Variants in TEX15 observed in about 807,000 individuals in gnomAD.
TEX15 encodes the protein testis-expressed protein 15.
Under a neutral mutation model 237.3 loss-of-function variants are expected in TEX15, and 171 were observed. That is an observed-to-expected ratio of 0.72 (90% CI 0.64 to 0.82). The LOEUF (loss-of-function observed/expected upper bound fraction) is 0.82, where lower values mean the gene tolerates loss of function less well. Among genes scored for constraint, TEX15 ranks in the 40% least tolerant of loss-of-function variants. The probability of loss-of-function intolerance (pLI) is 0.00; values close to 1 mark genes in which losing one functional copy is unlikely to be tolerated. For missense variants in TEX15, 3,750 were observed against 3,646.5 expected (o/e 1.03, Z -0.73); for synonymous variants, 1,338 against 1,269.8 (o/e 1.05, Z -1.14).
Position 30,843,042 on chromosome 8 carries a change from T to A in TEX15, c.7125A>T (p.Ile2375=), listed in dbSNP as rs751013399. Reference sequence around the variant, plus strand: ...GGTCTGCAAATTCAGCCTGATCCAATATCTCACTAATACAACAAATATCTG... The same window carrying A: ...GGTCTGCAAATTCAGCCTGATCCAAAATCTCACTAATACAACAAATATCTG... ...AHPDICCISE[I]LDQAEFADLK... Residue 2375 remains isoleucine (I), a synonymous_variant, in exon 8 of 11, where the codon ATA becomes ATT. Transcript: ENST00000643185. 2 of 1,613,640 alleles carry A rather than the reference T, an allele frequency of 1.2e-6. No individual in the cohort carries two copies. Among genetic ancestry groups the A allele is most frequent in the East Asian group, 4.5e-5 (2 of 44,832 alleles).
At position 30,843,503 on chromosome 8, in the gene TEX15, A is replaced by G; in HGVS notation, c.6664T>C (p.Cys2222Arg). The change falls in exon 8 of 11, where the codon TGT becomes CGT. Residue 2222 changes from cysteine (C) to arginine (R), a missense_variant. Physicochemically the swap from Cys to Arg is radical, Grantham distance 180. Coordinates refer to ENST00000643185, the MANE Select transcript of TEX15 (RefSeq NM_001350162.2). Reference sequence around the variant, plus strand: ...GAATGAACTTTAGGAGAGTCCCCACATACATTGATCAACTTTAAAGTACTT... The same window carrying G: ...GAATGAACTTTAGGAGAGTCCCCACGTACATTGATCAACTTTAAAGTACTT... ...RKSTLKLINV[C>R]GDSPKVHSYP... 1.9e-6 allele frequency: 3 copies of G among 1,613,110 alleles called. No individual in the cohort carries two copies. The highest frequency in any genetic ancestry group is 2.5e-6 in the Non-Finnish European group (3 of 1,179,654).
Position 30,846,339 on chromosome 8 carries a change from T to A in TEX15, c.3828A>T (p.Arg1276Ser), listed in dbSNP as rs776596556. 6.2e-7 allele frequency: 1 copy of A among 1,613,060 alleles called. No homozygotes were observed. Among genetic ancestry groups the A allele is most frequent in the South Asian group, 1.1e-5 (1 of 90,984 alleles). Residue 1276 changes from arginine to serine, a missense_variant, in exon 8 of 11, where the codon AGA (arginine) becomes AGT (serine). Coordinates refer to ENST00000643185, the MANE Select transcript of TEX15 (RefSeq NM_001350162.2). Reference protein sequence around the residue: ...SNVTTIDDGSRCFFTKSKTDY... With the variant: ...SNVTTIDDGSSCFFTKSKTDY... ...CAGTTTTTGATTTTGTAAAGAAACA[T>A]CTGCTTCCATCATCTATTGTTGTGA...
chr8:30,901,176 T>C (rs1446360181), intron 1 of TEX15, among the ~76,000 whole-genome samples: 2 of 152,000 alleles, frequency 1.3e-5, no homozygotes, highest in African/African-American at 4.8e-5. Flanking sequence ...AAAACCAAAA[T>C]GGTCTTCAAT....
chr8:30,864,470 A>T (rs1168422957), intron 5 of TEX15, among the ~76,000 whole-genome samples: 1 of 151,800 alleles, frequency 6.6e-6, no homozygotes, highest in Non-Finnish European at 1.5e-5. Context: ...AAAAATAGGT[A>T]GGAGGATCGC....
chr8:30,858,642 C>A, intron 7 of TEX15, 26 bp downstream of exon 7: 1 of 1,496,512 alleles, frequency 6.7e-7, no homozygotes, highest in South Asian at 1.3e-5. Flanking sequence ...AAATATTAAT[C>A]AAGTACAATC....
chr8:30,892,384 T>C (rs769457840), intron 2 of TEX15, among the ~76,000 whole-genome samples: 1 of 152,220 alleles, frequency 6.6e-6, no homozygotes, highest in Non-Finnish European at 1.5e-5. Context: ...GTAACAAATC[T>C]TGATACATGC....
At chr8:30,859,844 T>A in intron 6 of TEX15, 67 bp downstream of exon 6, 2 of 1,206,316 alleles carry the variant, frequency 1.7e-6, no homozygotes, top group Non-Finnish European at 2.1e-6. Flanking sequence ...ATTTTGGGAA[T>A]TTAAGTCTTA....
In TEX15 at chr8:30,847,381, T is replaced by C. The variant is rs114188301; in HGVS notation, c.2786A>G (p.Asp929Gly). 4.8e-4 allele frequency: 778 copies of C among 1,613,600 alleles called. 8 individuals are homozygous for C. In the African/African-American group the frequency reaches 9.4e-3, roughly 19 times the overall value. Reference protein sequence around the residue: ...STKFNLICREDNAVSAATALL... With the variant: ...STKFNLICREGNAVSAATALL... ...TGCAGTTGCTGCTGACACTGCATTA[T>C]CTTCTCTGCAAATCAAGTTAAATTT... Residue 929 changes from aspartate to glycine, a missense_variant, in exon 8 of 11, where the codon GAT becomes GGT. Transcript: ENST00000643185.
At chr8:30,840,647 C>T (rs747184429) in intron 8 of TEX15, among the ~76,000 whole-genome samples, 3 of 152,240 alleles carry the variant, frequency 2.0e-5, no homozygotes, top group East Asian at 1.9e-4. Context: ...CCATGGCTGA[C>T]TTATTACTGT....
chr8:30,890,854 G>A (rs535914502), intron 2 of TEX15, among the ~76,000 whole-genome samples: 3 of 152,134 alleles, frequency 2.0e-5, no homozygotes, highest in Non-Finnish European at 4.4e-5. Context: ...CATTATCAGT[G>A]ACATTGAGCT....
Position 30,912,612 on chromosome 8 carries a change from G to A in TEX15, c.-86+267C>T, listed in dbSNP as rs559081722. Among the ~76,000 whole-genome samples, 7 of 152,356 alleles carry A rather than the reference G, an allele frequency of 4.6e-5. No homozygotes were observed. The South Asian group carries it at 1.4e-3, about 32-fold the overall frequency. On this transcript the variant is annotated intron_variant, in intron 1 of 10. Coordinates refer to ENST00000643185, the MANE Select transcript of TEX15 (RefSeq NM_001350162.2). ...CGAAAGCGCGGGAACCCGCGCATCT[G>A]AGGAAAGCTAAACATTTCACCTGTA...
At chr8:30,849,951 T>G (rs1191100998) in intron 7 of TEX15, among the ~76,000 whole-genome samples, 1 of 152,016 alleles carries the variant, frequency 6.6e-6, no homozygotes, top group Non-Finnish European at 1.5e-5. Context: ...AATAAAAACA[T>G]TTTCCCAATA....
At chr8:30,853,493 A>T (rs1481186400) in intron 7 of TEX15, among the ~76,000 whole-genome samples, 4 of 152,204 alleles carry the variant, frequency 2.6e-5, no homozygotes, top group Non-Finnish European at 4.4e-5. Flanking sequence ...AAAAAATAAT[A>T]CAAATAAAAA....
At chr8:30,860,499 T>G (rs1799739000) in intron 5 of TEX15, among the ~76,000 whole-genome samples, 2 of 151,938 alleles carry the variant, frequency 1.3e-5, no homozygotes, top group Admixed American at 1.3e-4. Context: ...GGCAATTATG[T>G]CAATTCTCCC....
rs73670503 is a variant in TEX15, at chr8:30,867,930, G to A, written c.303-428C>T. ...AAATGACAGAGTTGGAATTATACACGCCAATTCTTGTCTGTCAGGTTCCAG... is the reference window on the plus strand; with the variant it reads ...AAATGACAGAGTTGGAATTATACACACCAATTCTTGTCTGTCAGGTTCCAG... On this transcript the variant is annotated intron_variant, in intron 4 of 10. Transcript: ENST00000643185. 3.5e-3 allele frequency among the ~76,000 whole-genome samples: 529 copies of A among 152,116 alleles called. 2 individuals are homozygous for A. Among genetic ancestry groups the A allele is most frequent in the Middle Eastern group, 0.014 (4 of 294 alleles).
At chr8:30,887,977 T>C (rs925268284) in intron 2 of TEX15, among the ~76,000 whole-genome samples, 1 of 148,134 alleles carries the variant, frequency 6.8e-6, no homozygotes, top group East Asian at 2.0e-4. Context: ...ATGTAACTGC[T>C]ATTAGGTAAC....
chr8:30,836,837 A>G lies in TEX15; in HGVS notation c.9447T>C (p.Asn3149=). ...AAGGAACTTCTGGAGGCACAAATCG[A>G]TTAGGAAGGTAAGGGTATGTAGCTT... ...LPQATYPYLP[N]RFVPPEVPWV... Residue 3149 remains asparagine, a synonymous_variant, in exon 10 of 11, where the codon AAT becomes AAC. Transcript: ENST00000643185. 1 of 1,611,348 alleles carries G rather than the reference A, an allele frequency of 6.2e-7. No homozygotes were observed. Among genetic ancestry groups the G allele is most frequent in the South Asian group, 1.1e-5 (1 of 90,490 alleles).
intron 4 of TEX15, among the ~76,000 whole-genome samples, chr8:30,867,946 C>T (rs1808208665): frequency 6.6e-6 from 1 of 152,052 alleles, no homozygotes; most frequent in Non-Finnish European, 1.5e-5. Flanking sequence ...TCTTGTCTGT[C>T]AGGTTCCAGA....
rs2128768071 is a variant in TEX15, at chr8:30,846,983, C to T, written c.3184G>A (p.Glu1062Lys). 1 of 1,613,598 alleles carries T rather than the reference C, an allele frequency of 6.2e-7. No homozygotes were observed. The highest frequency in any genetic ancestry group is 2.2e-5 in the East Asian group (1 of 44,866). The change falls in exon 8 of 11, where the codon GAA becomes AAA. Residue 1062 changes from glutamate to lysine, a missense_variant. Transcript: ENST00000643185. ...TCATCACAATCTTCTAATTCTATTT[C>T]AATTTCACTTTCCAATTCAATGCTC... The part of the protein sequence containing the change: ...LQSIELESEI[E>K]IELEDCDDAF...
Sources: gnomAD v4.1 joint callset for allele counts (sites outside exome capture counted in the v4.1 genomes callset) on GRCh38, gnomAD v4.1.1 for gene constraint, MANE v1.5 for transcripts, NCBI Gene and HGNC (gene_info 2026-07-23, HGNC 2026-07-21) for gene names.